Variants in SLA observed in about 807,000 individuals in gnomAD.
The protein encoded by SLA is Src like adaptor, also known as src-like-adapter.
A neutral mutation model predicts 30.3 loss-of-function variants in SLA; 16 were observed. The observed-to-expected ratio is 0.53, with a 90% CI of 0.36 to 0.80. SLA has a LOEUF of 0.80. Ranked by LOEUF, SLA falls within the 30% of genes least tolerant of loss-of-function variation. The probability of loss-of-function intolerance (pLI) is 0.01; values close to 1 mark genes in which losing one functional copy is unlikely to be tolerated. For missense variants in SLA, 310 were observed against 345.2 expected (o/e 0.90, Z 0.81); for synonymous variants, 143 against 137.8 (o/e 1.04, Z -0.26).
intron 7 of SLA, among the ~76,000 whole-genome samples, chr8:133,043,789 C>T (rs557337501): frequency 6.6e-6 from 1 of 152,334 alleles, no homozygotes; most frequent in African/African-American, 2.4e-5. Context: ...AGTTCAAGAG[C>T]CCATATGCAA....
intron 2 of SLA, among the ~76,000 whole-genome samples, chr8:133,071,657 G>GGGA (rs1844058762): frequency 6.6e-6 from 1 of 152,018 alleles, no homozygotes; most frequent in African/African-American, 2.4e-5. Flanking sequence ...GAGGAGTGGG[G>GGGA]GGAGGAGGCG....
chr8:133,090,536 G>T (rs1203714993), intron 1 of SLA, among the ~76,000 whole-genome samples: 4 of 152,214 alleles, frequency 2.6e-5, no homozygotes, highest in African/African-American at 9.6e-5. Flanking sequence ...GTCAGACAGC[G>T]CAAGGGACTT....
Position 133,038,678 on chromosome 8 carries a change from CT to C in SLA, c.676del (p.Ser226AlafsTer14). 6.2e-7 allele frequency: 1 copy of C among 1,614,054 alleles called. No homozygotes were observed. Among genetic ancestry groups the C allele is most frequent in the Non-Finnish European group, 8.5e-7 (1 of 1,180,008 alleles). ...GGCAATGCTCTCTCGAAGGCCATAGCTGAAAAGGGACTCGTCTACCCCAAGC... is the reference window on the plus strand; with the variant it reads ...GGCAATGCTCTCTCGAAGGCCATAGCGAAAAGGGACTCGTCTACCCCAAGC... ...NPLGVDESLF[S>X]YGLRESIASY... On this transcript the variant is annotated frameshift_variant, in exon 9 of 9. Coordinates refer to ENST00000338087, the MANE Select transcript of SLA (RefSeq NM_001045556.3). LOFTEE classifies it high-confidence loss of function.
intron 8 of SLA, among the ~76,000 whole-genome samples, chr8:133,039,306 A>G (rs1837715712): frequency 6.6e-6 from 1 of 152,134 alleles, no homozygotes; most frequent in South Asian, 2.1e-4. Context: ...AAATCACTTA[A>G]CCCGTCTGAA....
intron 2 of SLA, among the ~76,000 whole-genome samples, chr8:133,073,800 T>C (rs979895129): frequency 6.6e-6 from 1 of 152,060 alleles, no homozygotes; most frequent in African/African-American, 2.4e-5. Context: ...TTAGAGCCCC[T>C]CACTTGCCTC....
chr8:133,082,443 T>C (rs1463410629), intron 1 of SLA, among the ~76,000 whole-genome samples: 1 of 152,192 alleles, frequency 6.6e-6, no homozygotes, highest in Non-Finnish European at 1.5e-5. Flanking sequence ...TCTTAAGGCC[T>C]TAATCGTTTT....
At chr8:133,062,364 C>A (rs543219746) in intron 2 of SLA, among the ~76,000 whole-genome samples, 2 of 152,208 alleles carry the variant, frequency 1.3e-5, no homozygotes, top group Non-Finnish European at 2.9e-5. Flanking sequence ...CTGAGCCTGG[C>A]GAAGGTACCC....
Position 133,040,149 on chromosome 8 carries a change from AGCC to A in SLA, c.485-22_485-20del. On this transcript the variant is annotated intron_variant, in intron 7 of 8. Coordinates refer to ENST00000338087, the MANE Select transcript of SLA (RefSeq NM_001045556.3). ...GCCACCTCTGAGGAGGGAAGCAGAC[AGCC>A]GGTCAGGGACCCTGGGGACGCCTCA... The A allele has an allele frequency of 1.3e-6, 2 of 1,575,492 alleles. No individual in the cohort carries two copies. The highest frequency in any genetic ancestry group is 1.7e-6 in the Non-Finnish European group (2 of 1,160,628).
chr8:133,096,842 A>G (rs1484274431), intron 1 of SLA, among the ~76,000 whole-genome samples: 1 of 152,236 alleles, frequency 6.6e-6, no homozygotes, highest in Non-Finnish European at 1.5e-5. Context: ...CGCACAATGC[A>G]CCTGGCAAAC....
Position 133,065,742 on chromosome 8 carries a change from A to G in SLA, c.-40-5542T>C, listed in dbSNP as rs188993475. Reference sequence around the variant, plus strand: ...AGGCCATTGTACTCCAGCCTGGGAAACAAGAGTGAAACTCCGTCTCAAAAA... The same window carrying G: ...AGGCCATTGTACTCCAGCCTGGGAAGCAAGAGTGAAACTCCGTCTCAAAAA... On this transcript the variant is annotated intron_variant, in intron 2 of 8. Transcript: ENST00000338087. Among the ~76,000 whole-genome samples, 101 of 152,292 alleles carry G rather than the reference A, an allele frequency of 6.6e-4. No individual in the cohort carries two copies. In the East Asian group the frequency reaches 0.019, roughly 29 times the overall value.
chr8:133,092,412 A>G (rs551389012), intron 1 of SLA, among the ~76,000 whole-genome samples: 20 of 152,344 alleles, frequency 1.3e-4, no homozygotes, highest in African/African-American at 4.6e-4. Flanking sequence ...TAGCTAGGTC[A>G]GATTTAGATA....
chr8:133,061,527 A>G (rs1409208089), intron 2 of SLA, among the ~76,000 whole-genome samples: 1 of 152,238 alleles, frequency 6.6e-6, no homozygotes, highest in Non-Finnish European at 1.5e-5. Context: ...ATAGATTATC[A>G]GAGAATAGGG....
intron 1 of SLA, among the ~76,000 whole-genome samples, chr8:133,085,464 G>T (rs1222098594): frequency 2.0e-5 from 3 of 152,006 alleles, no homozygotes; most frequent in African/African-American, 7.3e-5. Flanking sequence ...ATCTAATAAG[G>T]GACTTGTACC....
chr8:133,096,269 G>A (rs115860194), intron 1 of SLA: 46 of 1,614,212 alleles, frequency 2.8e-5, no homozygotes, highest in Non-Finnish European at 3.8e-5. Flanking sequence ...CTTCCTCCGT[G>A]AGCCTCCAGC....
At chr8:133,085,788 G>A (rs563420591) in intron 1 of SLA, among the ~76,000 whole-genome samples, 1 of 152,296 alleles carries the variant, frequency 6.6e-6, no homozygotes, top group African/African-American at 2.4e-5. Flanking sequence ...AAATAATGCG[G>A]CCACTTTGAC....
At chr8:133,064,463 T>C (rs1248294796) in intron 2 of SLA, among the ~76,000 whole-genome samples, 2 of 152,210 alleles carry the variant, frequency 1.3e-5, no homozygotes, top group Non-Finnish European at 2.9e-5. Flanking sequence ...TCTTTCACTT[T>C]GTTAGTGTGA....
At chr8:133,078,971 C>T (rs1305856593) in intron 1 of SLA, among the ~76,000 whole-genome samples, 1 of 152,118 alleles carries the variant, frequency 6.6e-6, no homozygotes, top group Non-Finnish European at 1.5e-5. Flanking sequence ...GTAGAGGAGA[C>T]CAAGAAACCT....
In SLA at chr8:133,050,548, A is replaced by G. The variant is rs1840211568; in HGVS notation, c.161+268T>C. The G allele has an allele frequency of 1.8e-5, 7 of 380,432 alleles. 1 individual carries two copies. The East Asian group carries it at 2.9e-4, about 16-fold the overall frequency. 23.6% of individuals were successfully genotyped at this position (380,432 alleles called of 1,614,324 possible). On this transcript the variant is annotated intron_variant, in intron 4 of 8. Coordinates refer to ENST00000338087, the MANE Select transcript of SLA (RefSeq NM_001045556.3). ...GCACATGTGGTGGGAGATAAGAAGA[A>G]TATGAGAAGAGGCTGGATCATAAAG...
At chr8:133,066,249 C>T (rs1282598863) in intron 2 of SLA, among the ~76,000 whole-genome samples, 1 of 148,186 alleles carries the variant, frequency 6.7e-6, no homozygotes, top group Admixed American at 6.8e-5. Flanking sequence ...CGGCGTGAAC[C>T]CAGAAGGCAG....
Sources: gnomAD v4.1 joint callset for allele counts (sites outside exome capture counted in the v4.1 genomes callset) on GRCh38, gnomAD v4.1.1 for gene constraint, MANE v1.5 for transcripts, NCBI Gene and HGNC (gene_info 2026-07-23, HGNC 2026-07-21) for gene names.